Variants in HMSD observed in about 807,000 individuals in gnomAD.
HMSD encodes the protein histocompatibility minor serpin domain containing.
HMSD carries 13 observed loss-of-function variants against 10.0 expected under a neutral mutation model. That is an observed-to-expected ratio of 1.31 (90% CI 0.85 to 2.08). The LOEUF (loss-of-function observed/expected upper bound fraction) is 2.08, where lower values mean the gene tolerates loss of function less well. HMSD is among the 30% of genes most tolerant of loss of function. The pLI is 0.00. For missense variants in HMSD, 169 were observed against 166.3 expected (o/e 1.02, Z -0.09); for synonymous variants, 51 against 54.2 (o/e 0.94, Z 0.26).
downstream of HMSD, among the ~76,000 whole-genome samples, chr18:63,965,188 T>G (rs946054715): frequency 6.6e-5 from 10 of 152,138 alleles, no homozygotes; most frequent in African/African-American, 2.4e-4. Context: ...TGTGCAGCTA[T>G]TAGAAAAACT....
At position 63,967,087 on chromosome 18, in the gene HMSD, G is replaced by A. The variant is rs145892020; in HGVS notation, n.312+6812G>A. On this transcript the variant is annotated intron_variant and non_coding_transcript_variant, in intron 3 of 5. Coordinates refer to the HMSD transcript ENST00000481726. ...GGCATATATGAAGTAACTTTTGCTA[G>A]AGTATATGGTCAGTCACTGAAGGAT... 2.2e-3 allele frequency among the ~76,000 whole-genome samples: 341 copies of A among 152,300 alleles called. 3 individuals are homozygous for A. The highest frequency in any genetic ancestry group is 4.0e-3 in the Non-Finnish European group (270 of 68,018).
At chr18:63,951,982 C>T (rs1599106874) in intron 1 of HMSD, among the ~76,000 whole-genome samples, 2 of 151,944 alleles carry the variant, frequency 1.3e-5, no homozygotes, top group Non-Finnish European at 1.5e-5. Flanking sequence ...AGTTCATGTC[C>T]TTTGTAGGGA....
At chr18:63,964,497 G>T (rs183263205), downstream of HMSD, among the ~76,000 whole-genome samples, 293 of 152,292 alleles carry the variant, frequency 1.9e-3, 1 homozygote, top group African/African-American at 5.9e-3. Context: ...CCAAGATCAT[G>T]CCACTGCACT....
chr18:63,963,125 C>CT (rs1358817203), downstream of HMSD, among the ~76,000 whole-genome samples: 207 of 117,034 alleles, frequency 1.8e-3, 1 homozygote, highest in African/African-American at 3.1e-3. Context: ...TTCTTTCTTT[C>CT]TTTCTTTCCT....
chr18:63,966,730 ATAT>A (rs2050411233), downstream of HMSD: 1 of 152,248 alleles, frequency 6.6e-6, no homozygotes, highest in African/African-American at 2.4e-5. Flanking sequence ...TCTTGTGACA[ATAT>A]TATTACCACA....
intron 1 of HMSD, among the ~76,000 whole-genome samples, chr18:63,952,088 A>G (rs1050994825): frequency 1.4e-5 from 2 of 138,924 alleles, no homozygotes; most frequent in Non-Finnish European, 3.0e-5. Context: ...GAATTGAACA[A>G]TGAGATCACA....
Position 63,957,181 on chromosome 18 carries a change from T to C in HMSD, c.222+2624T>C, listed in dbSNP as rs1599110300. ...TATACTAAACCCCTGAAACATGAAA[T>C]TTGCCTATATAACAAACTTGCTTAG... On this transcript the variant is annotated intron_variant, in intron 3 of 3. Coordinates refer to ENST00000408945, the MANE Select transcript of HMSD (RefSeq NM_001123366.2). Among the ~76,000 whole-genome samples the C allele has an allele frequency of 2.6e-5, 4 of 152,082 alleles. No homozygotes were observed. The South Asian group carries it at 8.3e-4, about 32-fold the overall frequency.
downstream of HMSD, among the ~76,000 whole-genome samples, chr18:63,965,857 T>A (rs1306474789): frequency 1.3e-5 from 2 of 152,200 alleles, no homozygotes; most frequent in African/African-American, 4.8e-5. Context: ...GCTTTTGTGC[T>A]ATGTCAAAAG....
In HMSD at chr18:63,952,986, T is replaced by TCTG. The variant is rs1417588355; in HGVS notation, c.-102-359_-102-357dup. On this transcript the variant is annotated intron_variant, in intron 1 of 3. Coordinates refer to ENST00000408945, the MANE Select transcript of HMSD (RefSeq NM_001123366.2). ...TTTTAAGCAAGTAACTTTCTTGCTT[T>TCTG]CTGCTGCTGCTTTTGTTATAAGTCC... Among the ~76,000 whole-genome samples, 4 of 152,356 alleles carry TCTG rather than the reference T, an allele frequency of 2.6e-5. No homozygotes were observed. In the East Asian group the frequency reaches 7.7e-4, roughly 29 times the overall value.
intron 1 of HMSD, among the ~76,000 whole-genome samples, chr18:63,950,815 C>T (rs1056773564): frequency 6.6e-6 from 1 of 152,060 alleles, no homozygotes; most frequent in Non-Finnish European, 1.5e-5. Flanking sequence ...AGCAGTATGA[C>T]CTGAAAAGTA....
In HMSD at chr18:63,960,386, G is replaced by C; in HGVS notation, c.*31G>C. 1 of 1,542,460 alleles carries C rather than the reference G, an allele frequency of 6.5e-7. No homozygotes were observed. Among genetic ancestry groups the C allele is most frequent in the Non-Finnish European group, 8.7e-7 (1 of 1,148,264 alleles). Reference sequence around the variant, plus strand: ...AGTCCTTTTTTCTCTAAACAACTATGCAAACATTAAAACCTTTCTTTGGAA... The same window carrying C: ...AGTCCTTTTTTCTCTAAACAACTATCCAAACATTAAAACCTTTCTTTGGAA... On this transcript the variant is annotated 3_prime_UTR_variant, in exon 4 of 4. Coordinates refer to ENST00000408945, the MANE Select transcript of HMSD (RefSeq NM_001123366.2).
chr18:63,956,994 T>C (rs2050362056), intron 3 of HMSD, among the ~76,000 whole-genome samples: 1 of 152,082 alleles, frequency 6.6e-6, no homozygotes, highest in South Asian at 2.1e-4. Flanking sequence ...ATACCACATG[T>C]TCTCACTTAT....
At chr18:63,952,626 G>A (rs1171193446) in intron 1 of HMSD, among the ~76,000 whole-genome samples, 1 of 152,040 alleles carries the variant, frequency 6.6e-6, no homozygotes, top group Non-Finnish European at 1.5e-5. Context: ...GTTCTCTGTT[G>A]CTGGGTATTT....
chr18:63,959,483 G>A (rs950091334), intron 3 of HMSD, among the ~76,000 whole-genome samples: 1 of 152,060 alleles, frequency 6.6e-6, no homozygotes, highest in Non-Finnish European at 1.5e-5. Flanking sequence ...AGTTTAATTC[G>A]TTATTGTCTG....
chr18:63,949,872 C>A (rs2050320122), intron 1 of HMSD, among the ~76,000 whole-genome samples: 1 of 152,132 alleles, frequency 6.6e-6, no homozygotes, highest in Non-Finnish European at 1.5e-5. Context: ...ACTTGACATT[C>A]CTCCTCCTTT....
chr18:63,965,986 C>A (rs190144002), downstream of HMSD, among the ~76,000 whole-genome samples: 18 of 152,244 alleles, frequency 1.2e-4, no homozygotes, highest in Non-Finnish European at 2.9e-5. Flanking sequence ...TGGGGAGAAA[C>A]CTTACTTTAT....
chr18:63,956,075 C>T (rs775254979), intron 3 of HMSD, among the ~76,000 whole-genome samples: 18 of 152,164 alleles, frequency 1.2e-4, no homozygotes, highest in Non-Finnish European at 2.5e-4. Flanking sequence ...AAGCCACAGC[C>T]CCAGTAGAGG....
rs559570087 is a variant in HMSD, at chr18:63,951,438, C to T, written c.-102-1916C>T. ...ATCTTACAGACTAAATAAACCTGCA[C>T]TCACCAGCAGGGGGGAAACTGTGGG... On this transcript the variant is annotated intron_variant, in intron 1 of 3. Coordinates refer to ENST00000408945, the MANE Select transcript of HMSD (RefSeq NM_001123366.2). Among the ~76,000 whole-genome samples, 159 of 152,262 alleles carry T rather than the reference C, an allele frequency of 1.0e-3. 2 individuals are homozygous for T. Among genetic ancestry groups the T allele is most frequent in the Middle Eastern group, 3.4e-3 (1 of 294 alleles).
intron 3 of HMSD, among the ~76,000 whole-genome samples, chr18:63,959,803 A>G (rs74880711): frequency 0.024 from 3,603 of 152,178 alleles, 154 homozygotes; most frequent in African/African-American, 0.082. Context: ...TTGTTGCCTT[A>G]TGTGTCTTGA....
Sources: allele counts gnomAD v4.1 joint callset (sites outside exome capture counted in the v4.1 genomes callset), GRCh38; gene constraint gnomAD v4.1.1; transcripts MANE v1.5; gene names NCBI Gene and HGNC (gene_info 2026-07-23, HGNC 2026-07-21).